The following PACSIN3 variants were observed in gnomAD, a reference collection of about 807,000 sequenced individuals.
The protein encoded by PACSIN3 is protein kinase C and casein kinase substrate in neurons 3.
In PACSIN3, 34 loss-of-function variants were observed where a neutral mutation model predicts 56.1. That is an observed-to-expected ratio of 0.61 (90% confidence interval 0.46 to 0.81). The LOEUF (loss-of-function observed/expected upper bound fraction) is 0.81. Ranked by LOEUF, PACSIN3 falls within the 30% of genes least tolerant of loss-of-function variation. PACSIN3 has a pLI of 0.00. For synonymous variants in PACSIN3, 218 were observed against 229.8 expected, an observed-to-expected ratio of 0.95 and a Z score of 0.46; for missense variants, 535 against 592.4, an observed-to-expected ratio of 0.90 and a Z score of 1.01.
chr11:47,179,060 G>T lies in PACSIN3; in HGVS notation c.901-30C>A. 1 of 1,613,964 alleles carries T rather than the reference G, an allele frequency of 6.2e-7. No homozygotes were observed. Among genetic ancestry groups the T allele is most frequent in the Admixed American group, 1.7e-5 (1 of 60,020 alleles). On this transcript the variant is annotated intron_variant, in intron 8 of 10. Transcript: ENST00000298838. This position sits in a 1 kb window ranked among gnomAD's most constrained non-coding sequence, Gnocchi z 4.4. The stretch of plus-strand genomic sequence containing the variant: ...GGGGACAGTGCTTATAGTCAGGTGG[G>T]GCCATCTGAACCACCTTCACTTACT...
chr11:47,180,436 C>A lies in PACSIN3; in HGVS notation c.447+19G>T, dbSNP rs975016481. ...ACAGGAAGGAGCCTGTCTCGGATAC[C>A]TCCCCCACCCAGCCTCACCTCCTTC... is the stretch of plus-strand genomic sequence containing the variant. On this transcript the variant is annotated intron_variant, in intron 5 of 10. Coordinates refer to ENST00000298838, the MANE Select transcript of PACSIN3 (RefSeq NM_016223.5). 1 of 1,591,200 alleles carries A rather than the reference C, an allele frequency of 6.3e-7. No homozygotes were observed. The highest frequency in any genetic ancestry group is 1.3e-5 in the African/African-American group (1 of 74,742).
chr11:47,180,557 C>G lies in PACSIN3; in HGVS notation c.345G>C (p.Arg115=), dbSNP rs1228316783. The G allele has an allele frequency of 6.2e-7, 1 of 1,603,886 alleles. No homozygotes were observed. The highest frequency in any genetic ancestry group is 2.2e-5 in the East Asian group (1 of 44,866). The change falls in exon 5 of 11, where the codon CGG becomes CGC. Residue 115 remains arginine (R), a synonymous_variant. Coordinates refer to ENST00000298838, the MANE Select transcript of PACSIN3 (RefSeq NM_016223.5). ...QDSERVRAWQ[R]GAFHRPVLGG... ...CCAGCACAGGCCGGTGGAAAGCCCC[C>G]CGCTGCCAGGCGCGCACCCGCTCAC... is the stretch of plus-strand genomic sequence containing the variant.
At position 47,178,414 on chromosome 11, in the gene PACSIN3, G is replaced by C; in HGVS notation, c.1111C>G (p.Leu371Val). The C allele has an allele frequency of 6.2e-7, 1 of 1,614,056 alleles. No individual in the cohort carries two copies. Among genetic ancestry groups the C allele is most frequent in the Non-Finnish European group, 8.5e-7 (1 of 1,180,014 alleles). Reference sequence around the variant, plus strand: ...GCTTCCTGGCCAGCGTAGTCATAGAGTGCCCTCACCCGAACCCCGGTGGCA... The same window carrying C: ...GCTTCCTGGCCAGCGTAGTCATAGACTGCCCTCACCCGAACCCCGGTGGCA... ...KAATGVRVRA[L>V]YDYAGQEADE... The change falls in exon 10 of 11, where the codon CTC (leucine) becomes GTC (valine). Residue 371 changes from leucine to valine, a missense_variant. Transcript: ENST00000298838. The surrounding 1 kb of genome is among the most constrained non-coding windows in gnomAD (Gnocchi z 4.2).
intron 6 of PACSIN3, 65 bp downstream of exon 6, chr11:47,180,121 G>A: frequency 6.8e-7 from 1 of 1,468,590 alleles, no homozygotes; most frequent in South Asian, 1.2e-5. Context: ...GATGTTCAGG[G>A]AGCAAGATTC....
chr11:47,179,945 G>A lies in PACSIN3; in HGVS notation c.603+241C>T, dbSNP rs1486010378. On this transcript the variant is annotated intron_variant, in intron 6 of 10. Coordinates refer to ENST00000298838, the MANE Select transcript of PACSIN3 (RefSeq NM_016223.5). This position sits in a 1 kb window ranked among gnomAD's most constrained non-coding sequence, Gnocchi z 4.4. ...CTTCGGGCAAAGGGTACTGTGCAAG[G>A]AAAAGAGCTGGAAGTTCTCAACTGC... Among the ~76,000 whole-genome samples the A allele has an allele frequency of 6.6e-6, 1 of 152,192 alleles. No homozygotes were observed. Among genetic ancestry groups the A allele is most frequent in the Admixed American group, 6.5e-5 (1 of 15,278 alleles).
chr11:47,186,248 G>A lies in PACSIN3; in HGVS notation c.-104+101C>T, dbSNP rs1181930687. The A allele has an allele frequency of 4.0e-5, 6 of 151,836 alleles. No individual in the cohort carries two copies. Among genetic ancestry groups the A allele is most frequent in the Admixed American group, 2.6e-4 (4 of 15,254 alleles). 9.4% of individuals were successfully genotyped at this position (151,836 alleles called of 1,614,324 possible). A position where few individuals can be genotyped will look rare whatever the true frequency, so the allele number is the denominator to read the frequency against. ...GTGGCCGGGGGCTCCCTGGGCGGGA[G>A]TCGGCTCCATTGCAAACTTCAGAAG... On this transcript the variant is annotated intron_variant, in intron 1 of 10. Transcript: ENST00000298838. The surrounding 1 kb of genome is among the most constrained non-coding windows in gnomAD (Gnocchi z 4.5).
intron 1 of PACSIN3, among the ~76,000 whole-genome samples, chr11:47,183,478 A>C (rs965635462): frequency 6.6e-6 from 1 of 152,212 alleles, no homozygotes; most frequent in African/African-American, 2.4e-5. Flanking sequence ...CCTCCTAAGG[A>C]GGCCCCAGCT....
chr11:47,178,122 G>C lies in PACSIN3; in HGVS notation c.1160-76C>G. ...TCCTGCAACTGGGTCAAGGACTGAG[G>C]GGGATGGTGTGGTCCCAGAGCCCAG... On this transcript the variant is annotated intron_variant, in intron 10 of 10. Transcript: ENST00000298838. This position sits in a 1 kb window ranked among gnomAD's most constrained non-coding sequence, Gnocchi z 4.2. The C allele has an allele frequency of 1.5e-6, 2 of 1,362,124 alleles. No homozygotes were observed. The highest frequency in any genetic ancestry group is 2.4e-5 in the East Asian group (1 of 41,590). 84.4% of individuals were successfully genotyped at this position (1,362,124 alleles called of 1,614,324 possible). A position where few individuals can be genotyped will look rare whatever the true frequency, so the allele number is the denominator to read the frequency against.
intron 4 of PACSIN3, 23 bp downstream of exon 4, chr11:47,182,379 GC>G: frequency 6.3e-7 from 1 of 1,582,346 alleles, no homozygotes; most frequent in Non-Finnish European, 8.6e-7. Flanking sequence ...GCTGCCCTCT[GC>G]CCCCTGCGAG....
chr11:47,177,938 C>G lies in PACSIN3; in HGVS notation c.1268G>C (p.Gly423Ala). Reference sequence around the variant, plus strand: ...GAAGGGCTGTCAGGACACTCAGGCGCCCACACACTCCACGTAGTTGGCAGG... The same window carrying G: ...GAAGGGCTGTCAGGACACTCAGGCGGCCACACACTCCACGTAGTTGGCAGG... ...LYPANYVECVGA is the reference protein window; with the variant it reads ...LYPANYVECVAA Residue 423 changes from glycine (G) to alanine (A), a missense_variant, in exon 11 of 11, where the codon GGC (glycine) becomes GCC (alanine). Coordinates refer to ENST00000298838, the MANE Select transcript of PACSIN3 (RefSeq NM_016223.5). The G allele has an allele frequency of 6.2e-7, 1 of 1,612,998 alleles. No individual in the cohort carries two copies. The highest frequency in any genetic ancestry group is 8.5e-7 in the Non-Finnish European group (1 of 1,179,044).
At chr11:47,180,370 C>T in intron 5 of PACSIN3, 29 bp from the exon 6 acceptor site, 1 of 1,600,896 alleles carries the variant, frequency 6.2e-7, no homozygotes, top group South Asian at 1.1e-5. Flanking sequence ...ACTCTGGACC[C>T]TGGATGCCAC....
At position 47,178,485 on chromosome 11, in the gene PACSIN3, G is replaced by T; in HGVS notation, c.1040C>A (p.Thr347Lys). ...ATCTGACCACTCCTCATCCTGCCCC[G>T]TGCTGGAGAGGGGAGGCAAAGGGAG... ...PPPQSPGSPG[T>K]GQDEEWSDEE... The change falls in exon 10 of 11, where the codon ACG becomes AAG. Residue 347 changes from threonine to lysine, a missense_variant and splice_region_variant. By Grantham distance (78) the Thr-to-Lys change is moderately conservative. Coordinates refer to ENST00000298838, the MANE Select transcript of PACSIN3 (RefSeq NM_016223.5). This position sits in a 1 kb window ranked among gnomAD's most constrained non-coding sequence, Gnocchi z 4.2. The T allele has an allele frequency of 6.2e-7, 1 of 1,613,460 alleles. No individual in the cohort carries two copies. Among genetic ancestry groups the T allele is most frequent in the Non-Finnish European group, 8.5e-7 (1 of 1,179,862 alleles).
rs961936901 is a variant in PACSIN3 at position 47,181,474 on chromosome 11, G to A, written c.212-784C>T. Among the ~76,000 whole-genome samples, 9 of 152,110 alleles carry A rather than the reference G, an allele frequency of 5.9e-5. 1 individual carries two copies. Among genetic ancestry groups the A allele is most frequent in the Non-Finnish European group, 1.3e-4 (9 of 68,026 alleles). Reference sequence around the variant, plus strand: ...TAGGCAAGTCCCTTAGCCTCTCTGAGCTTCCAGTTTCTCCTCTAGAAAATG... The same window carrying A: ...TAGGCAAGTCCCTTAGCCTCTCTGAACTTCCAGTTTCTCCTCTAGAAAATG... On this transcript the variant is annotated intron_variant, in intron 4 of 10. Transcript: ENST00000298838.
At chr11:47,185,099 G>C (rs1032147945) in intron 1 of PACSIN3, among the ~76,000 whole-genome samples, 2 of 152,238 alleles carry the variant, frequency 1.3e-5, no homozygotes, top group Admixed American at 1.3e-4. Flanking sequence ...ACCCAAATCA[G>C]TCCCCACCGC....
Position 47,178,605 on chromosome 11 carries a change from A to C in PACSIN3, c.1038-118T>G. ...CAGAGGCACCTGGGAGAGTCAGGTGAGGTACTAAAGATTCTAGCTCTACCT... is the reference window on the plus strand; with the variant it reads ...CAGAGGCACCTGGGAGAGTCAGGTGCGGTACTAAAGATTCTAGCTCTACCT... On this transcript the variant is annotated intron_variant, in intron 9 of 10. Coordinates refer to ENST00000298838, the MANE Select transcript of PACSIN3 (RefSeq NM_016223.5). The surrounding 1 kb of genome is among the most constrained non-coding windows in gnomAD (Gnocchi z 4.2). 2 of 1,318,862 alleles carry C rather than the reference A, an allele frequency of 1.5e-6. No homozygotes were observed. The highest frequency in any genetic ancestry group is 2.1e-6 in the Non-Finnish European group (2 of 972,116). 81.7% of individuals were successfully genotyped at this position (1,318,862 alleles called of 1,614,324 possible). A position where few individuals can be genotyped will look rare whatever the true frequency, so the allele number is the denominator to read the frequency against.
chr11:47,179,667 TAG>T lies in PACSIN3; in HGVS notation c.604-83_604-82del. The T allele has an allele frequency of 1.4e-6, 2 of 1,403,386 alleles. No homozygotes were observed. Among genetic ancestry groups the T allele is most frequent in the South Asian group, 1.2e-5 (1 of 80,450 alleles). The allele number at this position is 1,403,386 out of a possible 1,614,324, so 86.9% of individuals were successfully genotyped here. On this transcript the variant is annotated intron_variant, in intron 6 of 10. Coordinates refer to ENST00000298838, the MANE Select transcript of PACSIN3 (RefSeq NM_016223.5). The surrounding 1 kb of genome is among the most constrained non-coding windows in gnomAD (Gnocchi z 4.4). ...CACCAGTGTTTACCAGACACTGCCA[TAG>T]GCTGCTAGACCCAGGGCTAGCCACT...
rs757177394 is a variant in PACSIN3 at position 47,178,061 on chromosome 11, A to AT, written c.1160-16dup. 26 of 1,604,976 alleles carry AT rather than the reference A, an allele frequency of 1.6e-5. No individual in the cohort carries two copies. In the South Asian group the frequency reaches 2.4e-4, roughly 15 times the overall value. On this transcript the variant is annotated splice_polypyrimidine_tract_variant and intron_variant, in intron 10 of 10. Transcript: ENST00000298838. This position sits in a 1 kb window ranked among gnomAD's most constrained non-coding sequence, Gnocchi z 4.2. ...CAGCTCCTCCCCTGGGGGAAAGGGG[A>AT]TTGGTCACTGCCAGTGGCCCTGGCC...
rs951145615 is a variant in PACSIN3 at position 47,178,797 on chromosome 11, C to G, written c.1037+97G>C. ...TCAGGTCCCTGGCACCAATTTTCAA[C>G]CCATTTCAGGTGTGAAAGAAATGAA... On this transcript the variant is annotated intron_variant, in intron 9 of 10. Transcript: ENST00000298838. This position sits in a 1 kb window ranked among gnomAD's most constrained non-coding sequence, Gnocchi z 4.2. The G allele has an allele frequency of 7.7e-6, 11 of 1,421,018 alleles. No homozygotes were observed. Among genetic ancestry groups the G allele is most frequent in the Non-Finnish European group, 8.7e-6 (9 of 1,037,582 alleles). 88.0% of individuals were successfully genotyped at this position (1,421,018 alleles called of 1,614,324 possible). A position where few individuals can be genotyped will look rare whatever the true frequency, so the allele number is the denominator to read the frequency against.
At chr11:47,180,807 A>G in intron 4 of PACSIN3, 117 bp from the exon 5 acceptor site, 1 of 723,296 alleles carries the variant, frequency 1.4e-6, no homozygotes, top group Non-Finnish European at 2.2e-6. Context: ...GCAAAGGTGA[A>G]TGACAACCCT....
Sources: allele counts gnomAD v4.1 joint callset (sites outside exome capture counted in the v4.1 genomes callset), GRCh38; gene constraint gnomAD v4.1.1; non-coding constraint Gnocchi (gnomAD v3.1); transcripts MANE v1.5; gene names NCBI Gene and HGNC (gene_info 2026-07-23, HGNC 2026-07-21).